The following PRKCA variants were observed in gnomAD, a reference collection of about 807,000 sequenced individuals.
PRKCA encodes the protein protein kinase C alpha.
PRKCA carries 27 observed loss-of-function variants against 87.0 expected under a neutral mutation model. That is an observed-to-expected ratio of 0.31 (90% CI 0.23 to 0.43). The LOEUF is 0.43. PRKCA is among the 20% of genes least tolerant of loss of function. The pLI is 1.00. For synonymous variants in PRKCA, 329 were observed against 311.1 expected, an observed-to-expected ratio of 1.06 and a Z score of -0.61; for missense variants, 518 against 852.3, an observed-to-expected ratio of 0.61 and a Z score of 4.88.
At chr17:66,675,383 G>T (rs1405277618) in intron 5 of PRKCA, among the ~76,000 whole-genome samples, 1 of 152,112 alleles carries the variant, frequency 6.6e-6, no homozygotes, top group East Asian at 1.9e-4. Flanking sequence ...AACACAAATT[G>T]GGGGCAGGAG....
chr17:66,619,802 G>A (rs1000246587), intron 3 of PRKCA, among the ~76,000 whole-genome samples: 1 of 152,296 alleles, frequency 6.6e-6, no homozygotes, highest in South Asian at 2.1e-4. Flanking sequence ...GGGAAGAAAA[G>A]GAGGGATGTG....
chr17:66,769,597 G>A (rs947123403), intron 13 of PRKCA, among the ~76,000 whole-genome samples: 2 of 152,168 alleles, frequency 1.3e-5, no homozygotes, highest in East Asian at 1.9e-4. Flanking sequence ...TTTTGTTGGG[G>A]AAAGCCACAT....
rs566770268 is a variant in PRKCA, at chr17:66,682,284, C to T, written c.530-4827C>T. 1.4e-3 allele frequency among the ~76,000 whole-genome samples: 207 copies of T among 152,226 alleles called. 1 individual carries two copies. Among genetic ancestry groups the T allele is most frequent in the Non-Finnish European group, 2.4e-3 (162 of 68,020 alleles). ...AACCCAGGCTGGTTTTTCTCAGTGCCGGGCTTGACAGCTGATAATTTCAGA... is the reference window on the plus strand; with the variant it reads ...AACCCAGGCTGGTTTTTCTCAGTGCTGGGCTTGACAGCTGATAATTTCAGA... On this transcript the variant is annotated intron_variant, in intron 5 of 16. Coordinates refer to ENST00000413366, the MANE Select transcript of PRKCA (RefSeq NM_002737.3).
chr17:66,548,094 T>C (rs1968201968), intron 3 of PRKCA, among the ~76,000 whole-genome samples: 1 of 152,228 alleles, frequency 6.6e-6, no homozygotes, highest in Non-Finnish European at 1.5e-5. Flanking sequence ...TAGCTGTAAT[T>C]GTGGGGCTAG....
chr17:66,367,898 T>C (rs988405192), intron 2 of PRKCA, among the ~76,000 whole-genome samples: 1 of 152,220 alleles, frequency 6.6e-6, no homozygotes, highest in African/African-American at 2.4e-5. Flanking sequence ...TGTTGCATGC[T>C]AATCCTAAAT....
intron 5 of PRKCA, among the ~76,000 whole-genome samples, chr17:66,654,131 G>A (rs1598848273): frequency 6.6e-6 from 1 of 152,314 alleles, no homozygotes; most frequent in South Asian, 2.1e-4. Flanking sequence ...TAGCTAGGAA[G>A]TGGTCGCACC....
chr17:66,651,796 A>C (rs1304154666), intron 5 of PRKCA, among the ~76,000 whole-genome samples: 1 of 152,134 alleles, frequency 6.6e-6, no homozygotes, highest in Non-Finnish European at 1.5e-5. Context: ...GTGATCCTGC[A>C]TTTGACCACC....
chr17:66,437,731 T>TTTTTTTTGTGG (rs55779501), intron 2 of PRKCA, among the ~76,000 whole-genome samples: 1 of 11,142 alleles, frequency 9.0e-5, no homozygotes, highest in Non-Finnish European at 1.6e-4. Flanking sequence ...TTTTTTTTTT[T>TTTTTTTTGTGG]GAGCGGGGGG....
chr17:66,765,875 A>G (rs940568069), intron 13 of PRKCA, among the ~76,000 whole-genome samples: 4 of 152,230 alleles, frequency 2.6e-5, no homozygotes, highest in African/African-American at 9.6e-5. Flanking sequence ...AGAGAAAGAT[A>G]TGCTTTATTC....
At chr17:66,307,951 C>T (rs114232118) in intron 2 of PRKCA, among the ~76,000 whole-genome samples, 2,042 of 152,210 alleles carry the variant, frequency 0.013, 48 homozygotes, top group African/African-American at 0.047. Context: ...AAATTTTATA[C>T]GACTTTGCAA....
At chr17:66,323,710 C>T (rs1038364779) in intron 2 of PRKCA, among the ~76,000 whole-genome samples, 2 of 152,084 alleles carry the variant, frequency 1.3e-5, no homozygotes, top group African/African-American at 2.4e-5. Context: ...GAGTCCGAGG[C>T]GGGTGGATCA....
Position 66,742,585 on chromosome 17 carries a change from A to G in PRKCA, c.1386-37A>G, listed in dbSNP as rs1169952433. 4 of 1,607,560 alleles carry G rather than the reference A, an allele frequency of 2.5e-6. No homozygotes were observed. In the Admixed American group the frequency reaches 5.0e-5, roughly 20 times the overall value. ...GTTCCAAAGCAAACCATGTTATGTC[A>G]TGGGAAGGACTCTGATGTTAACCCG... On this transcript the variant is annotated intron_variant, in intron 12 of 16. Transcript: ENST00000413366.
chr17:66,568,883 G>A (rs58680711), intron 3 of PRKCA, among the ~76,000 whole-genome samples: 1,528 of 152,124 alleles, frequency 0.01, 29 homozygotes, highest in African/African-American at 0.034. Flanking sequence ...GGAAACGTAG[G>A]GTCTTTGGAA....
At chr17:66,448,039 A>C (rs544907908) in intron 2 of PRKCA, among the ~76,000 whole-genome samples, 70 of 152,302 alleles carry the variant, frequency 4.6e-4, no homozygotes, top group African/African-American at 1.6e-3. Flanking sequence ...AGGAGCACTC[A>C]AAAGTGAATA....
intron 5 of PRKCA, among the ~76,000 whole-genome samples, chr17:66,685,186 C>T (rs1470652088): frequency 2.0e-5 from 3 of 152,090 alleles, no homozygotes; most frequent in Admixed American, 2.0e-4. Flanking sequence ...TTTCCAAGCC[C>T]CCAACCATGT....
chr17:66,490,538 G>T (rs1445093640), intron 2 of PRKCA, among the ~76,000 whole-genome samples: 1 of 151,636 alleles, frequency 6.6e-6, no homozygotes, highest in African/African-American at 2.4e-5. Context: ...TAGAGACGGG[G>T]TTTCACCGTG....
chr17:66,679,040 C>G (rs1160336570), intron 5 of PRKCA, among the ~76,000 whole-genome samples: 1 of 152,144 alleles, frequency 6.6e-6, no homozygotes, highest in Non-Finnish European at 1.5e-5. Flanking sequence ...TCATGGTCTT[C>G]ATTGATTCAG....
At chr17:66,340,539 T>G (rs59735177) in intron 2 of PRKCA, among the ~76,000 whole-genome samples, 5,591 of 152,184 alleles carry the variant, frequency 0.037, 123 homozygotes, top group African/African-American at 0.073. Flanking sequence ...CTCCAAAAAT[T>G]AATTTGGCGT....
At chr17:66,583,321 T>C (rs1333064068) in intron 3 of PRKCA, among the ~76,000 whole-genome samples, 1 of 152,186 alleles carries the variant, frequency 6.6e-6, no homozygotes, top group Non-Finnish European at 1.5e-5. Context: ...TGTCGTCTTT[T>C]TAATAGCTGT....
Sources: allele counts gnomAD v4.1 joint callset (sites outside exome capture counted in the v4.1 genomes callset), GRCh38; gene constraint gnomAD v4.1.1; transcripts MANE v1.5; gene names NCBI Gene and HGNC (gene_info 2026-07-23, HGNC 2026-07-21).